SEMA3D: variants seen among roughly 807,000 people sequenced by gnomAD.
SEMA3D encodes the protein semaphorin-3D.
SEMA3D carries 84 observed loss-of-function variants against 100.1 expected under a neutral mutation model. The observed-to-expected ratio is 0.84, with a 90% CI of 0.70 to 1.01. The LOEUF is 1.01. Ranked by LOEUF, SEMA3D falls within the 50% of genes least tolerant of loss-of-function variation. SEMA3D has a pLI of 0.00. For missense variants in SEMA3D, 875 were observed against 934.1 expected, an observed-to-expected ratio of 0.94 and a Z score of 0.82; for synonymous variants, 312 against 320.7, an observed-to-expected ratio of 0.97 and a Z score of 0.29.
intron 1 of SEMA3D, among the ~76,000 whole-genome samples, chr7:85,170,049 A>G (rs1369172454): frequency 6.6e-6 from 1 of 151,852 alleles, no homozygotes; most frequent in Non-Finnish European, 1.5e-5. Context: ...TAAAAAATAG[A>G]ATAGCAAAAG....
intron 3 of SEMA3D, among the ~76,000 whole-genome samples, chr7:85,120,458 A>T (rs1006611427): frequency 1.3e-5 from 2 of 152,078 alleles, no homozygotes; most frequent in African/African-American, 4.8e-5. Context: ...ACTTGAGGTC[A>T]GGGGTTTGAG....
chr7:85,094,566 A>C (rs2116299503), intron 4 of SEMA3D, among the ~76,000 whole-genome samples: 1 of 152,040 alleles, frequency 6.6e-6, no homozygotes. Context: ...ACACTCACTT[A>C]TGAGCTAATC....
chr7:85,140,629 T>G, intron 2 of SEMA3D: 1 of 952,396 alleles, frequency 1.0e-6, no homozygotes, highest in Non-Finnish European at 1.2e-6. Flanking sequence ...ATTTACTCCC[T>G]ATAATCTATA....
At chr7:85,223,443 G>A in the SEMA3D span, among the ~76,000 whole-genome samples, 3 of 151,704 alleles carry the variant, frequency 2.0e-5, no homozygotes, top group Non-Finnish European at 4.4e-5. Flanking sequence ...GTTTATACCA[G>A]GACAATTTGC....
intron 9 of SEMA3D, among the ~76,000 whole-genome samples, chr7:85,053,468 A>C (rs1362437629): frequency 6.6e-6 from 1 of 151,956 alleles, no homozygotes; most frequent in Non-Finnish European, 1.5e-5. Flanking sequence ...ATAAGATTAC[A>C]GCAACAATGA....
intron 5 of SEMA3D, among the ~76,000 whole-genome samples, chr7:85,080,949 T>C (rs929871516): frequency 6.6e-6 from 1 of 152,194 alleles, no homozygotes. Context: ...TTTTATATAA[T>C]CATTATTACT....
chr7:85,176,262 T>C (rs1791223104), intron 1 of SEMA3D, among the ~76,000 whole-genome samples: 1 of 152,160 alleles, frequency 6.6e-6, no homozygotes, highest in Non-Finnish European at 1.5e-5. Context: ...TAACAGAAAT[T>C]AAAACCCAAA....
intron 3 of SEMA3D, among the ~76,000 whole-genome samples, chr7:85,107,615 C>T (rs17159622): frequency 0.024 from 3,635 of 152,020 alleles, 145 homozygotes; most frequent in African/African-American, 0.083. Flanking sequence ...TCAATTTTTC[C>T]TCCAATCATC....
At chr7:85,177,225 G>T (rs1791260642) in intron 1 of SEMA3D, among the ~76,000 whole-genome samples, 1 of 152,132 alleles carries the variant, frequency 6.6e-6, no homozygotes, top group African/African-American at 2.4e-5. Context: ...ATATAATAGG[G>T]AGATAGTAAG....
At chr7:85,159,007 T>G (rs1403979595) in intron 1 of SEMA3D, among the ~76,000 whole-genome samples, 1 of 152,194 alleles carries the variant, frequency 6.6e-6, no homozygotes, top group East Asian at 1.9e-4. Flanking sequence ...GTCTAACTGC[T>G]TTGTTACCCA....
At chr7:85,109,756 A>G (rs1371956622) in intron 3 of SEMA3D, among the ~76,000 whole-genome samples, 1 of 151,990 alleles carries the variant, frequency 6.6e-6, no homozygotes, top group African/African-American at 2.4e-5. Flanking sequence ...ATATTCATAC[A>G]CATGTACGGA....
rs141395551 is a variant in SEMA3D at position 85,006,493 on chromosome 7, G to A, written c.1908+309C>T. Among the ~76,000 whole-genome samples the A allele has an allele frequency of 4.9e-3, 740 of 151,874 alleles. 3 individuals carry two copies. Among genetic ancestry groups the A allele is most frequent in the Non-Finnish European group, 8.2e-3 (560 of 67,896 alleles). On this transcript the variant is annotated intron_variant, in intron 18 of 18. Coordinates refer to ENST00000284136, the MANE Select transcript of SEMA3D (RefSeq NM_001384900.1). Reference sequence around the variant, plus strand: ...TGTGCTACTGTGGGAAGAAAAATACGGTGTTCTTGTTATTAGTCAGGGATT... The same window carrying A: ...TGTGCTACTGTGGGAAGAAAAATACAGTGTTCTTGTTATTAGTCAGGGATT...
the SEMA3D span, among the ~76,000 whole-genome samples, chr7:85,249,904 C>A: frequency 6.6e-6 from 1 of 152,120 alleles, no homozygotes; most frequent in African/African-American, 2.4e-5. Context: ...TCTACAGCTC[C>A]CAGCGTGAGC....
At chr7:85,135,622 T>C (rs1050783395) in intron 2 of SEMA3D, among the ~76,000 whole-genome samples, 1 of 151,520 alleles carries the variant, frequency 6.6e-6, no homozygotes, top group African/African-American at 2.4e-5. Context: ...AACCTGCACA[T>C]TGTGCACATG....
the SEMA3D span, among the ~76,000 whole-genome samples, chr7:85,226,233 T>C: frequency 6.6e-6 from 1 of 152,168 alleles, no homozygotes; most frequent in African/African-American, 2.4e-5. Context: ...ACTCTTTTTT[T>C]CTTTTGCTAG....
intron 1 of SEMA3D, among the ~76,000 whole-genome samples, chr7:85,165,081 T>C (rs1278490670): frequency 6.7e-6 from 1 of 149,460 alleles, no homozygotes; most frequent in African/African-American, 2.5e-5. Context: ...CACCTATGAG[T>C]GAGAACATGC....
At chr7:85,176,614 T>A (rs895430086) in intron 1 of SEMA3D, among the ~76,000 whole-genome samples, 1 of 151,928 alleles carries the variant, frequency 6.6e-6, no homozygotes, top group African/African-American at 2.4e-5. Context: ...TTGGTATATA[T>A]AAAATTATAT....
Position 84,996,800 on chromosome 7 carries a change from C to T in SEMA3D, c.*2640G>A, listed in dbSNP as rs1789513181. 6.6e-6 allele frequency: 1 copy of T among 152,006 alleles called. No individual in the cohort carries two copies. The highest frequency in any genetic ancestry group is 2.1e-4 in the South Asian group (1 of 4,822). The allele number at this position is 152,006 out of a possible 1,614,324, so 9.4% of individuals were successfully genotyped here. ...GTCAATTTCTTAGCATATTTGAAAC[C>T]ATTAACTATACTTTTCTTTTTCATT... On this transcript the variant is annotated 3_prime_UTR_variant, in exon 19 of 19. Coordinates refer to ENST00000284136, the MANE Select transcript of SEMA3D (RefSeq NM_001384900.1).
chr7:85,246,531 CTTAA>C, the SEMA3D span, among the ~76,000 whole-genome samples: 3 of 151,910 alleles, frequency 2.0e-5, no homozygotes, highest in African/African-American at 2.4e-5. Context: ...ATGTGAAACG[CTTAA>C]TTGTCAATAT....
Sources: allele counts gnomAD v4.1 joint callset (sites outside exome capture counted in the v4.1 genomes callset), GRCh38; gene constraint gnomAD v4.1.1; transcripts MANE v1.5; gene names NCBI Gene and HGNC (gene_info 2026-07-23, HGNC 2026-07-21).